Variants in KCNQ4 observed in about 807,000 individuals in gnomAD.
KCNQ4 encodes the protein potassium voltage-gated channel subfamily Q member 4.
In KCNQ4, 31 loss-of-function variants were observed where a neutral mutation model predicts 72.6. The observed-to-expected ratio is 0.43, with a 90% CI of 0.32 to 0.58. The LOEUF is 0.58. Among genes scored for constraint, KCNQ4 ranks in the 20% least tolerant of loss-of-function variants. The pLI, the probability that KCNQ4 is intolerant of heterozygous loss-of-function variation, is 0.08. For missense variants in KCNQ4, 869 were observed against 962.6 expected (o/e 0.90, Z 1.29); for synonymous variants, 405 against 403.7 (o/e 1.00, Z -0.04).
Position 40,823,577 on chromosome 1 carries a change from C to T in KCNQ4, c.1131-520C>T, listed in dbSNP as rs368306726. Among the ~76,000 whole-genome samples, 62 of 152,174 alleles carry T rather than the reference C, an allele frequency of 4.1e-4. 2 individuals carry two copies. The South Asian group carries it at 0.013, about 31-fold the overall frequency. On this transcript the variant is annotated intron_variant, in intron 8 of 13. Coordinates refer to ENST00000347132, the MANE Select transcript of KCNQ4 (RefSeq NM_004700.4). ...GGCAGGCAGGAGAGAGGGAAGATAC[C>T]CTCCTTGGCTCATGGCAGCAGAAAA...
chr1:40,830,311 G>A (rs1345137584), intron 9 of KCNQ4, among the ~76,000 whole-genome samples: 1 of 152,166 alleles, frequency 6.6e-6, no homozygotes, highest in Admixed American at 6.5e-5. Flanking sequence ...CCATGGGGCC[G>A]AGGCCCTCAG....
At chr1:40,822,766 G>C (rs1297184898) in intron 8 of KCNQ4, among the ~76,000 whole-genome samples, 1 of 152,212 alleles carries the variant, frequency 6.6e-6, no homozygotes, top group Non-Finnish European at 1.5e-5. Context: ...AGTGGATATT[G>C]CAGCTGGTTG....
At chr1:40,795,238 G>T (rs1030750436) in intron 1 of KCNQ4, among the ~76,000 whole-genome samples, 1 of 149,694 alleles carries the variant, frequency 6.7e-6, no homozygotes, top group Non-Finnish European at 1.5e-5. Context: ...AGAACAGGGG[G>T]GTTGTGGTGG....
chr1:40,788,840 T>C lies in KCNQ4; in HGVS notation c.314+4433T>C, dbSNP rs1395031035. Among the ~76,000 whole-genome samples, 1 of 152,338 alleles carries C rather than the reference T, an allele frequency of 6.6e-6. No homozygotes were observed. Among genetic ancestry groups the C allele is most frequent in the East Asian group, 1.9e-4 (1 of 5,190 alleles). ...TTTTAGTTGTAGACCACGTCACTGC[T>C]GCGTACCTGTCTGAATGTCTCACAC... On this transcript the variant is annotated intron_variant, in intron 1 of 13. Transcript: ENST00000347132. The surrounding 1 kb of genome is among the most constrained non-coding windows in gnomAD (Gnocchi z 4.5).
At chr1:40,826,919 G>A (rs1396983303) in intron 9 of KCNQ4, among the ~76,000 whole-genome samples, 6 of 152,248 alleles carry the variant, frequency 3.9e-5, no homozygotes, top group East Asian at 1.9e-4. Context: ...AAGGATGTGT[G>A]CTGGCTCTGC....
chr1:40,808,670 G>A (rs1361284481), intron 1 of KCNQ4, among the ~76,000 whole-genome samples: 1 of 152,056 alleles, frequency 6.6e-6, no homozygotes, highest in Non-Finnish European at 1.5e-5. Flanking sequence ...AAGCTGGAGG[G>A]ATCCTTCCTA....
In KCNQ4 at chr1:40,838,293, G is replaced by A. The variant is rs1266101959; in HGVS notation, c.1876-18G>A. On this transcript the variant is annotated intron_variant, in intron 13 of 13. Coordinates refer to ENST00000347132, the MANE Select transcript of KCNQ4 (RefSeq NM_004700.4). ...CTCCGGTCCCAGGCCCTGCTTCCCA[G>A]CTGCGCCCCGTCCCCAGGTGCAGTC... 1 of 1,611,338 alleles carries A rather than the reference G, an allele frequency of 6.2e-7. No individual in the cohort carries two copies. Among genetic ancestry groups the A allele is most frequent in the Non-Finnish European group, 8.5e-7 (1 of 1,179,138 alleles).
At chr1:40,829,763 G>A (rs1209011123) in intron 9 of KCNQ4, among the ~76,000 whole-genome samples, 1 of 152,136 alleles carries the variant, frequency 6.6e-6, no homozygotes, top group African/African-American at 2.4e-5. Context: ...AGACATTTGG[G>A]GTGGGTCCCC....
At chr1:40,833,844 A>AT (rs1202197312) in intron 11 of KCNQ4, among the ~76,000 whole-genome samples, 2 of 151,480 alleles carry the variant, frequency 1.3e-5, no homozygotes, top group Admixed American at 6.6e-5. Context: ...AAAAAAAAAA[A>AT]AAAAAAATTA....
chr1:40,792,794 T>TA (rs918846244), intron 1 of KCNQ4, among the ~76,000 whole-genome samples: 10 of 152,048 alleles, frequency 6.6e-5, no homozygotes, highest in African/African-American at 9.7e-5. Context: ...CTTTTTATCC[T>TA]AAAAAAATAC....
At chr1:40,821,556 G>C (rs1648292172) in intron 7 of KCNQ4, among the ~76,000 whole-genome samples, 1 of 152,196 alleles carries the variant, frequency 6.6e-6, no homozygotes, top group Non-Finnish European at 1.5e-5. Flanking sequence ...GCAAGCCCAT[G>C]GATGCTGAGG....
chr1:40,832,941 G>A, intron 10 of KCNQ4, 73 bp from the exon 11 acceptor site: 2 of 1,065,672 alleles, frequency 1.9e-6, no homozygotes, highest in Non-Finnish European at 2.9e-6. Context: ...TGGTGGTTTG[G>A]CATACAAGGG....
intron 10 of KCNQ4, among the ~76,000 whole-genome samples, 168 bp from the exon 11 acceptor site, chr1:40,832,846 A>T (rs1223809498): frequency 1.4e-5 from 2 of 145,538 alleles, no homozygotes; most frequent in Non-Finnish European, 3.0e-5. Context: ...GGGGCTTTCC[A>T]CCCTGGGGAG....
Position 40,830,416 on chromosome 1 carries a change from G to A in KCNQ4, c.1293-668G>A, listed in dbSNP as rs150039349. On this transcript the variant is annotated intron_variant, in intron 9 of 13. Transcript: ENST00000347132. Reference sequence around the variant, plus strand: ...CAGTGCACTGCCTGCACAGCTGTACGAGGCCCTAAAACCCTGACCAGTGTG... The same window carrying A: ...CAGTGCACTGCCTGCACAGCTGTACAAGGCCCTAAAACCCTGACCAGTGTG... Among the ~76,000 whole-genome samples, 558 of 152,274 alleles carry A rather than the reference G, an allele frequency of 3.7e-3. 10 individuals carry two copies. The highest frequency in any genetic ancestry group is 0.012 in the African/African-American group (515 of 41,532).
intron 7 of KCNQ4, 109 bp from the exon 8 acceptor site, chr1:40,822,205 C>T (rs775342076): frequency 1.8e-4 from 166 of 927,740 alleles, no homozygotes; most frequent in Non-Finnish European, 2.6e-4. Context: ...GCCTCTGGCT[C>T]TGGGTAACCC....
intron 1 of KCNQ4, among the ~76,000 whole-genome samples, chr1:40,811,529 C>T (rs893772614): frequency 3.9e-5 from 6 of 152,144 alleles, no homozygotes; most frequent in African/African-American, 1.2e-4. Flanking sequence ...TTTAACAAGC[C>T]CTCCAGGTGA....
At position 40,803,002 on chromosome 1, in the gene KCNQ4, G is replaced by C. The variant is rs972112867; in HGVS notation, c.315-14263G>C. The stretch of plus-strand genomic sequence containing the variant: ...AGAAGAGGAGGGGGCATCAGGACCA[G>C]AGATACAATTTGTCCCCTTCCCCCT... On this transcript the variant is annotated intron_variant, in intron 1 of 13. Coordinates refer to ENST00000347132, the MANE Select transcript of KCNQ4 (RefSeq NM_004700.4). 2.6e-5 allele frequency among the ~76,000 whole-genome samples: 4 copies of C among 152,208 alleles called. No homozygotes were observed. The East Asian group carries it at 5.8e-4, about 22-fold the overall frequency.
At chr1:40,789,502 G>A (rs1208144738) in intron 1 of KCNQ4, among the ~76,000 whole-genome samples, 1 of 152,116 alleles carries the variant, frequency 6.6e-6, no homozygotes, top group Non-Finnish European at 1.5e-5. Flanking sequence ...TCTTTGTAAG[G>A]AGCTGGGGAG....
intron 1 of KCNQ4, among the ~76,000 whole-genome samples, chr1:40,786,593 A>G (rs1339078955): frequency 1.3e-5 from 2 of 152,168 alleles, no homozygotes; most frequent in Non-Finnish European, 1.5e-5. Context: ...TTGGTCACCC[A>G]TCTTAGAGGT....
Sources: allele counts gnomAD v4.1 joint callset (sites outside exome capture counted in the v4.1 genomes callset), GRCh38; gene constraint gnomAD v4.1.1; non-coding constraint Gnocchi (gnomAD v3.1); transcripts MANE v1.5; gene names NCBI Gene and HGNC (gene_info 2026-07-23, HGNC 2026-07-21).